Variants in RNF114 observed in about 807,000 individuals in gnomAD.
RNF114 encodes the protein ring finger protein 114.
Under a neutral mutation model 28.4 loss-of-function variants are expected in RNF114, and 6 were observed. The observed-to-expected ratio is 0.21, with a 90% CI of 0.12 to 0.42. The LOEUF (loss-of-function observed/expected upper bound fraction) is 0.42. Among genes scored for constraint, RNF114 ranks in the 10% least tolerant of loss-of-function variants. RNF114 has a pLI of 1.00. For missense variants in RNF114, 249 were observed against 311.7 expected (o/e 0.80, Z 1.51); for synonymous variants, 115 against 116.7 (o/e 0.99, Z 0.09).
chr20:49,948,293 T>A (rs1285187507), intron 4 of RNF114, among the ~76,000 whole-genome samples: 1 of 152,178 alleles, frequency 6.6e-6, no homozygotes, highest in Non-Finnish European at 1.5e-5. Flanking sequence ...GTTCCACCTT[T>A]AAGTGGGGGC....
chr20:49,948,024 T>C (rs2090341098), intron 4 of RNF114, among the ~76,000 whole-genome samples: 1 of 151,812 alleles, frequency 6.6e-6, no homozygotes, highest in South Asian at 2.1e-4. Flanking sequence ...TCTCCTGACC[T>C]CGTGATCCGC....
intron 4 of RNF114, among the ~76,000 whole-genome samples, chr20:49,948,378 C>A (rs1328521419): frequency 2.0e-5 from 3 of 151,924 alleles, no homozygotes; most frequent in Admixed American, 2.0e-4. Flanking sequence ...TTGACAGTAA[C>A]TGCCGCCTTC....
intron 5 of RNF114, among the ~76,000 whole-genome samples, chr20:49,950,698 A>C (rs1053232946): frequency 7.9e-5 from 12 of 151,548 alleles, no homozygotes; most frequent in African/African-American, 2.7e-4. Flanking sequence ...AAAAAAAAAA[A>C]AACAAAACAC....
rs2090358077 is a variant in RNF114 at position 49,952,293 on chromosome 20, C to A, written c.*152C>A. The A allele has an allele frequency of 2.9e-6, 2 of 687,154 alleles. No homozygotes were observed. The highest frequency in any genetic ancestry group is 1.6e-5 in the South Asian group (1 of 62,314). 42.6% of individuals were successfully genotyped at this position (687,154 alleles called of 1,614,324 possible). On this transcript the variant is annotated 3_prime_UTR_variant, in exon 6 of 6. Coordinates refer to ENST00000244061, the MANE Select transcript of RNF114 (RefSeq NM_018683.4). ...GTCACTTCTGACAGGGGAAGTGGGT[C>A]CCCAGGTCAGCCCTTCTCTTCCCTT...
At position 49,936,495 on chromosome 20, in the gene RNF114, C is replaced by T. The variant is rs1443312504; in HGVS notation, c.83C>T (p.Thr28Met). ...GAGGCTGACCCCCTAGGACGCTTCA[C>T]GTGTCCCGTGTGCTTAGAGGTGTAC... ...AAEADPLGRF[T>M]CPVCLEVYEK... Residue 28 changes from threonine to methionine, a missense_variant, in exon 1 of 6, where the codon ACG (threonine) becomes ATG (methionine). Around this residue, in one of 2 missense-constraint regions of RNF114, gnomAD observed 123 missense variants for 106.4 expected, o/e 1.16. Coordinates refer to ENST00000244061, the MANE Select transcript of RNF114 (RefSeq NM_018683.4). The T allele has an allele frequency of 1.9e-6, 3 of 1,571,952 alleles. No homozygotes were observed. The South Asian group carries it at 3.5e-5, about 18-fold the overall frequency.
At chr20:49,949,395 A>C in intron 5 of RNF114, 40 bp downstream of exon 5, 1 of 1,522,176 alleles carries the variant, frequency 6.6e-7, no homozygotes, top group Non-Finnish European at 9.1e-7. Context: ...CCCCTGGGGG[A>C]GTGGCACGGC....
chr20:49,942,014 C>T, intron 2 of RNF114: 1 of 299,328 alleles, frequency 3.3e-6, no homozygotes. Context: ...CCTGTAACCC[C>T]AGCTCTTTGG....
intron 1 of RNF114, among the ~76,000 whole-genome samples, chr20:49,938,810 T>C (rs561818632): frequency 5.3e-5 from 8 of 152,350 alleles, no homozygotes; most frequent in African/African-American, 1.9e-4. Context: ...GTGTGTGTGC[T>C]TGAGAAGAGA....
At chr20:49,948,086 G>A (rs1050099641) in intron 4 of RNF114, among the ~76,000 whole-genome samples, 5 of 151,726 alleles carry the variant, frequency 3.3e-5, no homozygotes, top group East Asian at 3.9e-4. Context: ...CACCGCGCCC[G>A]GCCCTCTGCA....
chr20:49,941,699 C>T lies in RNF114; in HGVS notation c.279C>T (p.Gly93=), dbSNP rs1285841920. 1.2e-6 allele frequency: 2 copies of T among 1,611,058 alleles called. No individual in the cohort carries two copies. Among genetic ancestry groups the T allele is most frequent in the Admixed American group, 1.7e-5 (1 of 59,314 alleles). The change falls in exon 2 of 6, where the codon GGC becomes GGT. Residue 93 remains glycine, a synonymous_variant. Coordinates refer to ENST00000244061, the MANE Select transcript of RNF114 (RefSeq NM_018683.4). The stretch of plus-strand genomic sequence containing the variant: ...AGAGCACAGAGACTTCTTGCCATGG[C>T]TGCCGTAAGAATGTATGTGGAAGTG... The part of the protein sequence containing the change: ...QIESTETSCH[G]CRKNFFLSKI...
chr20:49,948,895 A>G lies in RNF114; in HGVS notation c.514-353A>G, dbSNP rs2090345362. Among the ~76,000 whole-genome samples, 2 of 152,244 alleles carry G rather than the reference A, an allele frequency of 1.3e-5. 1 individual carries two copies. Among genetic ancestry groups the G allele is most frequent in the Non-Finnish European group, 2.9e-5 (2 of 68,014 alleles). Reference sequence around the variant, plus strand: ...AGGCTGTGTTTTACTTCCCTGGGACATTGCTCATCGGCTTATTTTCTTAGT... The same window carrying G: ...AGGCTGTGTTTTACTTCCCTGGGACGTTGCTCATCGGCTTATTTTCTTAGT... On this transcript the variant is annotated intron_variant, in intron 4 of 5. Coordinates refer to ENST00000244061, the MANE Select transcript of RNF114 (RefSeq NM_018683.4).
intron 3 of RNF114, 121 bp from the exon 4 acceptor site, chr20:49,946,015 C>G (rs1430698959): frequency 5.3e-6 from 3 of 567,382 alleles, no homozygotes; most frequent in Non-Finnish European, 6.3e-6. Context: ...AAGTGATCAT[C>G]AGCATCCTTA....
At chr20:49,949,416 T>C in intron 5 of RNF114, 61 bp downstream of exon 5, 1 of 1,392,458 alleles carries the variant, frequency 7.2e-7, no homozygotes, top group Non-Finnish European at 1.0e-6. Flanking sequence ...TACTTCACTC[T>C]TCTCAAAAGG....
In RNF114 at chr20:49,952,345, C is replaced by G; in HGVS notation, c.*204C>G. The G allele has an allele frequency of 3.5e-6, 2 of 576,838 alleles. No homozygotes were observed. Among genetic ancestry groups the G allele is most frequent in the Admixed American group, 5.6e-5 (2 of 35,806 alleles). The allele number at this position is 576,838 out of a possible 1,614,324, so 35.7% of individuals were successfully genotyped here. A position where few individuals can be genotyped will look rare whatever the true frequency, so the allele number is the denominator to read the frequency against. On this transcript the variant is annotated 3_prime_UTR_variant, in exon 6 of 6. Transcript: ENST00000244061. ...GGGCTCTTGCCAAAGCTGTCTTCCC[C>G]TACTGTTAACCTTGTTTGTCACACG...
chr20:49,946,810 C>T (rs1202791400), intron 4 of RNF114, among the ~76,000 whole-genome samples: 1 of 151,942 alleles, frequency 6.6e-6, no homozygotes, highest in Non-Finnish European at 1.5e-5. Flanking sequence ...TTGGAAGTAG[C>T]TTCTTCATAG....
At chr20:49,947,215 C>A (rs2090335866) in intron 4 of RNF114, among the ~76,000 whole-genome samples, 1 of 674 alleles carries the variant, frequency 1.5e-3, no homozygotes, top group Non-Finnish European at 2.9e-3. Context: ...ACAAAACTGC[C>A]CCCCCCCCCC....
chr20:49,936,749 C>G (rs974148465), intron 1 of RNF114, among the ~76,000 whole-genome samples, 197 bp downstream of exon 1: 1 of 152,130 alleles, frequency 6.6e-6, no homozygotes, highest in African/African-American at 2.4e-5. Flanking sequence ...CTAAGTATCC[C>G]GTTCCTCCGC....
Position 49,936,493 on chromosome 20 carries a change from C to G in RNF114, c.81C>G (p.Phe27Leu). 6.4e-7 allele frequency: 1 copy of G among 1,571,138 alleles called. No homozygotes were observed. Among genetic ancestry groups the G allele is most frequent in the Non-Finnish European group, 8.6e-7 (1 of 1,159,642 alleles). ...PAAEADPLGR[F>L]TCPVCLEVYE... ...CGGAGGCTGACCCCCTAGGACGCTT[C>G]ACGTGTCCCGTGTGCTTAGAGGTGT... The change falls in exon 1 of 6, where the codon TTC (phenylalanine) becomes TTG (leucine). Residue 27 changes from phenylalanine (F) to leucine (L), a missense_variant. This residue lies in a region of RNF114 where 123 missense variants were observed against 106.4 expected (regional missense o/e 1.16). Transcript: ENST00000244061.
In RNF114 at chr20:49,947,769, G is replaced by GTTTTTTTT. The variant is rs71190519; in HGVS notation, c.514-1446_514-1439dup. Among the ~76,000 whole-genome samples, 89 of 50,470 alleles carry GTTTTTTTT rather than the reference G, an allele frequency of 1.8e-3. 18 individuals carry two copies. The highest frequency in any genetic ancestry group is 2.2e-3 in the Non-Finnish European group (62 of 28,798). 33.1% of individuals were successfully genotyped at this position (50,470 alleles called of 152,430 possible). ...GTTCTGTCTTCCTCTCCCTCTGCAA[G>GTTTTTTTT]TTTTTTTTTTTTTTTTTTTTTTTTT... On this transcript the variant is annotated intron_variant, in intron 4 of 5. Coordinates refer to ENST00000244061, the MANE Select transcript of RNF114 (RefSeq NM_018683.4).
Sources: allele counts gnomAD v4.1 joint callset (sites outside exome capture counted in the v4.1 genomes callset), GRCh38; gene constraint gnomAD v4.1.1; regional missense constraint gnomAD v4.1.1; transcripts MANE v1.5; gene names NCBI Gene and HGNC (gene_info 2026-07-23, HGNC 2026-07-21).